IL1RAPL2: variants seen among roughly 807,000 people sequenced by gnomAD.
IL1RAPL2 encodes interleukin 1 receptor accessory protein like 2, also known as X-linked interleukin-1 receptor accessory protein-like 2.
In IL1RAPL2, 3 loss-of-function variants were observed where a neutral mutation model predicts 44.1. The observed-to-expected ratio is 0.07, with a 90% CI of 0.03 to 0.18. The LOEUF is 0.18. Among genes scored for constraint, IL1RAPL2 ranks in the 10% least tolerant of loss-of-function variants. IL1RAPL2 has a pLI of 1.00. For missense variants in IL1RAPL2, 391 were observed against 496.4 expected (o/e 0.79, Z 2.02); for synonymous variants, 181 against 178.8 (o/e 1.01, Z -0.10).
intron 1 of IL1RAPL2, among the ~76,000 whole-genome samples, chrX:104,627,455 A>T (rs1373498700): frequency 9.4e-6 from 1 of 106,527 alleles, no homozygotes; most frequent in East Asian, 3.0e-4. Flanking sequence ...CACATTGTGC[A>T]CATGTACCCT....
At chrX:105,684,234 C>T (rs1316869461) in intron 6 of IL1RAPL2, among the ~76,000 whole-genome samples, 1 of 112,325 alleles carries the variant, frequency 8.9e-6, no homozygotes, top group Non-Finnish European at 1.9e-5. Context: ...GGGGCGTCGC[C>T]TCACCCGGGG....
chrX:105,371,199 A>G (rs2038397914), intron 5 of IL1RAPL2, among the ~76,000 whole-genome samples: 1 of 111,960 alleles, frequency 8.9e-6, no homozygotes, highest in Non-Finnish European at 1.9e-5. Flanking sequence ...TATTGTATTG[A>G]CAATTTCTTT....
chrX:105,193,037 C>T (rs1342926204), intron 2 of IL1RAPL2, among the ~76,000 whole-genome samples: 1 of 111,968 alleles, frequency 8.9e-6, no homozygotes, highest in Non-Finnish European at 1.9e-5. Context: ...TGAGCATGCT[C>T]GCTGTGACTC....
chrX:105,764,041 G>C (rs769144116), intron 10 of IL1RAPL2, among the ~76,000 whole-genome samples: 1 of 111,283 alleles, frequency 9.0e-6, no homozygotes, highest in Non-Finnish European at 1.9e-5. Flanking sequence ...TTCTTCTACA[G>C]GAGGTTTTCA....
intron 6 of IL1RAPL2, among the ~76,000 whole-genome samples, chrX:105,623,078 C>CT (rs1420488016): frequency 1.8e-5 from 2 of 110,945 alleles, no homozygotes; most frequent in African/African-American, 3.3e-5. Flanking sequence ...ACAGATAATC[C>CT]TTTTTTTAAT....
chrX:105,229,596 G>A (rs781819972), intron 3 of IL1RAPL2, among the ~76,000 whole-genome samples: 6 of 111,716 alleles, frequency 5.4e-5, no homozygotes, highest in Non-Finnish European at 1.1e-4. Flanking sequence ...CATCTCCAGG[G>A]TGGCTTCCTT....
chrX:105,703,963 G>A (rs2038141542), intron 6 of IL1RAPL2, among the ~76,000 whole-genome samples: 1 of 111,869 alleles, frequency 8.9e-6, no homozygotes, highest in Non-Finnish European at 1.9e-5. Context: ...GTATTGCTTA[G>A]GCGAGGTCTC....
intron 2 of IL1RAPL2, among the ~76,000 whole-genome samples, chrX:105,027,984 G>A (rs2031405003): frequency 9.0e-6 from 1 of 111,670 alleles, no homozygotes; most frequent in Non-Finnish European, 1.9e-5. Context: ...ACACAATAGA[G>A]CACTATTCAG....
At chrX:105,307,726 A>G (rs2893581) in intron 5 of IL1RAPL2, among the ~76,000 whole-genome samples, 11,467 of 87,275 alleles carry the variant, frequency 0.13, 1,737 homozygotes, top group African/African-American at 0.41. Context: ...TGAAGGTAGT[A>G]TCCACCAGTG....
chrX:105,339,042 G>A (rs2035050950), intron 5 of IL1RAPL2, among the ~76,000 whole-genome samples: 1 of 111,946 alleles, frequency 8.9e-6, no homozygotes, highest in African/African-American at 3.2e-5. Flanking sequence ...GGCAGAGGTT[G>A]CAGTGAGCCA....
intron 6 of IL1RAPL2, among the ~76,000 whole-genome samples, chrX:105,590,849 T>TGTGTG (rs1569456765): frequency 3.5e-3 from 279 of 80,731 alleles, no homozygotes; most frequent in African/African-American, 0.014. Context: ...GTGTGTGTGT[T>TGTGTG]TGTGTGTGTT....
At chrX:104,646,928 A>G (rs945203245) in intron 1 of IL1RAPL2, among the ~76,000 whole-genome samples, 2 of 112,018 alleles carry the variant, frequency 1.8e-5, no homozygotes, top group African/African-American at 6.5e-5. Flanking sequence ...GAACAGAGTT[A>G]ATGATCACCA....
chrX:105,395,829 G>T (rs1158034948), intron 5 of IL1RAPL2, among the ~76,000 whole-genome samples: 1 of 111,692 alleles, frequency 9.0e-6, no homozygotes, highest in East Asian at 2.8e-4. Context: ...TGCTAAGTAT[G>T]CATCTAAATT....
intron 3 of IL1RAPL2, among the ~76,000 whole-genome samples, chrX:105,203,820 A>G (rs1163446433): frequency 4.5e-5 from 5 of 111,932 alleles, no homozygotes; most frequent in Non-Finnish European, 7.5e-5. Context: ...TTACTCTTTC[A>G]TAAGTTCTTT....
intron 2 of IL1RAPL2, among the ~76,000 whole-genome samples, chrX:104,838,551 T>A (rs1369191615): frequency 9.0e-6 from 1 of 111,336 alleles, no homozygotes. Flanking sequence ...TAGGAATGCT[T>A]GTGATTTTTG....
intron 6 of IL1RAPL2, among the ~76,000 whole-genome samples, chrX:105,686,380 C>CAAAAAAAAAAAA (rs1177667576): frequency 6.4e-4 from 16 of 25,161 alleles, no homozygotes; most frequent in East Asian, 2.4e-3. Context: ...AAATGGAAAG[C>CAAAAAAAAAAAA]AAAAAAAAAA....
chrX:104,633,831 G>A (rs1240688040), intron 1 of IL1RAPL2, among the ~76,000 whole-genome samples: 2 of 111,192 alleles, frequency 1.8e-5, no homozygotes, highest in Non-Finnish European at 3.8e-5. Context: ...GTTTTTTTGT[G>A]TCTCTATTTC....
intron 2 of IL1RAPL2, among the ~76,000 whole-genome samples, chrX:104,952,092 A>G (rs1320700817): frequency 8.9e-6 from 1 of 111,884 alleles, no homozygotes; most frequent in Admixed American, 9.5e-5. Flanking sequence ...AATGTTGAAG[A>G]ATGTATGAGT....
chrX:104,797,657 G>A (rs182185211), intron 2 of IL1RAPL2, among the ~76,000 whole-genome samples: 1 of 111,807 alleles, frequency 8.9e-6, no homozygotes, highest in African/African-American at 3.2e-5. Flanking sequence ...AGGCCTTTAA[G>A]AGGTAGATTC....
Sources: gnomAD v4.1 joint callset for allele counts (sites outside exome capture counted in the v4.1 genomes callset) on GRCh38, gnomAD v4.1.1 for gene constraint, MANE v1.5 for transcripts, NCBI Gene and HGNC (gene_info 2026-07-23, HGNC 2026-07-21) for gene names.